Variants in KANK3 observed in about 807,000 individuals in gnomAD.
KANK3 encodes the protein KN motif and ankyrin repeat domains 3.
In KANK3, 61 loss-of-function variants were observed where a neutral mutation model predicts 65.4. The ratio of observed to expected loss-of-function variants is 0.93; its 90% CI spans 0.76 to 1.15. The LOEUF is 1.15. Among genes scored for constraint, KANK3 ranks in the 50% most tolerant of loss-of-function variants. KANK3 has a pLI of 0.00. For synonymous variants in KANK3, 586 were observed against 543.3 expected, an observed-to-expected ratio of 1.08 and a Z score of -1.09; for missense variants, 1,187 against 1,178.8, an observed-to-expected ratio of 1.01 and a Z score of -0.10.
At chr19:8,335,865 C>G in intron 2 of KANK3, 73 bp from the exon 3 acceptor site, 1 of 1,063,258 alleles carries the variant, frequency 9.4e-7, no homozygotes, top group Non-Finnish European at 1.2e-6. Context: ...ACAAACCGAG[C>G]GTGTCCCCCA....
rs1970568115 is a variant in KANK3, at chr19:8,333,538, G to A, written c.1719+186C>T. 6.6e-6 allele frequency among the ~76,000 whole-genome samples: 1 copy of A among 152,210 alleles called. No homozygotes were observed. Among genetic ancestry groups the A allele is most frequent in the South Asian group, 2.1e-4 (1 of 4,838 alleles). ...GAGTCCGGGAGTGGGGCTGGGGCCGGGCCTTTTTGGGGAAACCAAGGAAAG... is the reference window on the plus strand; with the variant it reads ...GAGTCCGGGAGTGGGGCTGGGGCCGAGCCTTTTTGGGGAAACCAAGGAAAG... On this transcript the variant is annotated intron_variant, in intron 6 of 10. Transcript: ENST00000330915. The surrounding 1 kb of genome is among the most constrained non-coding windows in gnomAD (Gnocchi z 5.0).
chr19:8,335,901 T>G (rs1970630064), intron 2 of KANK3, 109 bp from the exon 3 acceptor site: 4 of 733,938 alleles, frequency 5.5e-6, no homozygotes. Flanking sequence ...CACACCTATC[T>G]GTACCCAAGT....
At chr19:8,336,787 G>A (rs896800162) in intron 2 of KANK3, among the ~76,000 whole-genome samples, 14 of 151,550 alleles carry the variant, frequency 9.2e-5, no homozygotes, top group Non-Finnish European at 2.1e-4. Context: ...GCACGATGAG[G>A]AGGAAGCAGC....
At chr19:8,335,816 G>C in intron 2 of KANK3, 24 bp from the exon 3 acceptor site, 1 of 1,226,194 alleles carries the variant, frequency 8.2e-7, no homozygotes, top group Non-Finnish European at 1.0e-6. Context: ...GGGGGCACGG[G>C]GAGGGCGCAT....
chr19:8,330,539 A>T (rs1970505088), intron 7 of KANK3, among the ~76,000 whole-genome samples: 1 of 151,852 alleles, frequency 6.6e-6, no homozygotes, highest in Non-Finnish European at 1.5e-5. Flanking sequence ...GACCAGCCTA[A>T]CCAACATGGA....
intron 10 of KANK3, 45 bp from the exon 11 acceptor site, chr19:8,322,967 G>A: frequency 1.8e-6 from 2 of 1,112,634 alleles, no homozygotes; most frequent in Non-Finnish European, 2.5e-6. Context: ...ATCTCCTTGA[G>A]GCAGGAAACG....
intron 7 of KANK3, among the ~76,000 whole-genome samples, chr19:8,326,715 T>C (rs1970435647): frequency 6.8e-6 from 1 of 147,274 alleles, no homozygotes; most frequent in East Asian, 2.1e-4. Flanking sequence ...AAGAATGGCA[T>C]GAACCCGGGG....
Position 8,322,905 on chromosome 19 carries a change from G to A in KANK3, c.2400C>T (p.Gly800=), listed in dbSNP as rs368628330. The A allele has an allele frequency of 2.7e-5, 41 of 1,546,720 alleles. No individual in the cohort carries two copies. Among genetic ancestry groups the A allele is most frequent in the Non-Finnish European group, 3.4e-5 (39 of 1,146,510 alleles). Residue 800 remains glycine, a synonymous_variant, in exon 11 of 11, where the codon GGC becomes GGT. Coordinates refer to ENST00000330915, the MANE Select transcript of KANK3 (RefSeq NM_198471.3). ...QPDTQSESPP[G]SQTATPGEGE... ...CTTCACCAGGTGTGGCTGTCTGGGAGCCAGGGGGTGACTCGCTCTGGAGAG... is the reference window on the plus strand; with the variant it reads ...CTTCACCAGGTGTGGCTGTCTGGGAACCAGGGGGTGACTCGCTCTGGAGAG...
chr19:8,340,157 G>A (rs1223821773), intron 1 of KANK3, among the ~76,000 whole-genome samples: 1 of 150,936 alleles, frequency 6.6e-6, no homozygotes, highest in East Asian at 1.9e-4. Flanking sequence ...AGCTACTCAG[G>A]AGGCTGAGGC....
In KANK3 at chr19:8,322,939, A is replaced by T; in HGVS notation, c.2383-17T>A. On this transcript the variant is annotated splice_polypyrimidine_tract_variant and intron_variant, in intron 10 of 10. Transcript: ENST00000330915. ...TGACTCGCTCTGGAGAGAGGGGAAA[A>T]GAGGGGGGCCTGCTGCAATCTCCTT... 3 of 1,392,642 alleles carry T rather than the reference A, an allele frequency of 2.2e-6. No individual in the cohort carries two copies. Among genetic ancestry groups the T allele is most frequent in the Non-Finnish European group, 2.9e-6 (3 of 1,031,582 alleles). The allele number at this position is 1,392,642 out of a possible 1,614,324, so 86.3% of individuals were successfully genotyped here. A position where few individuals can be genotyped will look rare whatever the true frequency, so the allele number is the denominator to read the frequency against.
chr19:8,331,174 G>C (rs1970517632), intron 7 of KANK3, among the ~76,000 whole-genome samples: 1 of 148,084 alleles, frequency 6.8e-6, no homozygotes, highest in South Asian at 2.3e-4. Flanking sequence ...CAGCCTGGGC[G>C]ACAGAGCAAG....
rs1008288731 is a variant in KANK3 at position 8,333,545 on chromosome 19, T to C, written c.1719+179A>G. 6.6e-6 allele frequency among the ~76,000 whole-genome samples: 1 copy of C among 152,124 alleles called. No individual in the cohort carries two copies. The highest frequency in any genetic ancestry group is 1.5e-5 in the Non-Finnish European group (1 of 68,014). On this transcript the variant is annotated intron_variant, in intron 6 of 10. Transcript: ENST00000330915. This position sits in a 1 kb window ranked among gnomAD's most constrained non-coding sequence, Gnocchi z 5.0. ...GGAGTGGGGCTGGGGCCGGGCCTTT[T>C]TGGGGAAACCAAGGAAAGATCGGCG...
At chr19:8,327,791 G>A (rs1261811238) in intron 7 of KANK3, among the ~76,000 whole-genome samples, 1 of 152,154 alleles carries the variant, frequency 6.6e-6, no homozygotes, top group Non-Finnish European at 1.5e-5. Flanking sequence ...GGGTTGGGGG[G>A]ACGTTCCCTG....
At chr19:8,334,205 C>T in intron 4 of KANK3, 89 bp from the exon 5 acceptor site, 1 of 1,515,196 alleles carries the variant, frequency 6.6e-7, no homozygotes, top group South Asian at 1.3e-5. Flanking sequence ...TCCCATTTAA[C>T]GATGAGGAAA....
Position 8,333,233 on chromosome 19 carries a change from G to A in KANK3, c.1720-3C>T. The A allele has an allele frequency of 6.2e-7, 1 of 1,607,280 alleles. No individual in the cohort carries two copies. Among genetic ancestry groups the A allele is most frequent in the Non-Finnish European group, 8.5e-7 (1 of 1,177,688 alleles). ...TGGGCCACGAGGCGCACTGCGCCCT[G>A]CAAGGGACAGGGGCCAAGATAACAT... On this transcript the variant is annotated splice_polypyrimidine_tract_variant and splice_region_variant and intron_variant, in intron 6 of 10. Transcript: ENST00000330915. The surrounding 1 kb of genome is among the most constrained non-coding windows in gnomAD (Gnocchi z 5.0).
intron 2 of KANK3, among the ~76,000 whole-genome samples, chr19:8,337,059 G>C (rs1970652718): frequency 6.6e-6 from 1 of 151,888 alleles, no homozygotes; most frequent in Non-Finnish European, 1.5e-5. Context: ...TTGAGACGGA[G>C]TCTTGCTCTG....
chr19:8,335,173 G>T lies in KANK3; in HGVS notation c.654C>A (p.Arg218=). 8.2e-7 allele frequency: 1 copy of T among 1,213,144 alleles called. No individual in the cohort carries two copies. Among genetic ancestry groups the T allele is most frequent in the South Asian group, 3.5e-5 (1 of 28,284 alleles). 75.1% of individuals were successfully genotyped at this position (1,213,144 alleles called of 1,614,324 possible). The change falls in exon 3 of 11, where the codon CGC becomes CGA. Residue 218 remains arginine (R), a synonymous_variant. Transcript: ENST00000330915. ...PELQEQVRAL[R]AEKARLLAGR... Reference sequence around the variant, plus strand: ...CGGCCAGCAGCCGCGCCTTCTCGGCGCGCAGCGCGCGCACCTGCTCCTGCA... The same window carrying T: ...CGGCCAGCAGCCGCGCCTTCTCGGCTCGCAGCGCGCGCACCTGCTCCTGCA...
chr19:8,322,733 GT>G lies in KANK3; in HGVS notation c.*105del. ...GAAATTGCCTTTCTCTTCGGCCAGT[GT>G]TAGCCTCTGAGCAGGGGACCCTGGA... On this transcript the variant is annotated 3_prime_UTR_variant, in exon 11 of 11. Transcript: ENST00000330915. 2 of 794,672 alleles carry G rather than the reference GT, an allele frequency of 2.5e-6. No homozygotes were observed. The highest frequency in any genetic ancestry group is 2.0e-6 in the Non-Finnish European group (1 of 491,430). The allele number at this position is 794,672 out of a possible 1,614,324, so 49.2% of individuals were successfully genotyped here. A position where few individuals can be genotyped will look rare whatever the true frequency, so the allele number is the denominator to read the frequency against.
chr19:8,340,138 T>C, intron 1 of KANK3, among the ~76,000 whole-genome samples: 1 of 151,298 alleles, frequency 6.6e-6, no homozygotes, highest in East Asian at 1.9e-4. Context: ...GGTGCATGCC[T>C]GTAGTCCCAG....
Sources: allele counts gnomAD v4.1 joint callset (sites outside exome capture counted in the v4.1 genomes callset), GRCh38; gene constraint gnomAD v4.1.1; non-coding constraint Gnocchi (gnomAD v3.1); transcripts MANE v1.5; gene names NCBI Gene and HGNC (gene_info 2026-07-23, HGNC 2026-07-21).